PXDNL: variants seen among roughly 807,000 people sequenced by gnomAD.
PXDNL encodes peroxidasin like, also known as probable oxidoreductase PXDNL.
PXDNL carries 145 observed loss-of-function variants against 150.8 expected under a neutral mutation model. The observed-to-expected ratio is 0.96, with a 90% CI of 0.84 to 1.10. The LOEUF (loss-of-function observed/expected upper bound fraction) is 1.10. Among genes scored for constraint, PXDNL ranks in the 50% least tolerant of loss-of-function variants. The pLI is 0.00. For synonymous variants in PXDNL, 757 were observed against 725.7 expected, an observed-to-expected ratio of 1.04 and a Z score of -0.69; for missense variants, 2,087 against 1,873.9, an observed-to-expected ratio of 1.11 and a Z score of -2.10.
intron 1 of PXDNL, among the ~76,000 whole-genome samples, chr8:51,760,704 T>G (rs2037152319): frequency 1.3e-5 from 2 of 152,170 alleles, no homozygotes; most frequent in Non-Finnish European, 2.9e-5. Context: ...ATAGTCATAA[T>G]CATGCGTGCA....
chr8:51,392,871 A>T (rs528988228), intron 17 of PXDNL, among the ~76,000 whole-genome samples: 2 of 152,304 alleles, frequency 1.3e-5, no homozygotes, highest in Admixed American at 6.5e-5. Context: ...GTTAGGAGAA[A>T]TTGATTGGCA....
rs191826410 is a variant in PXDNL at position 51,532,940 on chromosome 8, G to A, written c.380+23900C>T. 3.4e-4 allele frequency among the ~76,000 whole-genome samples: 52 copies of A among 152,092 alleles called. No individual in the cohort carries two copies. In the East Asian group the frequency reaches 9.1e-3, roughly 27 times the overall value. ...GCTTTTTTGATTAAGCCACAACTCTGGCTTAATGTGAAATTGAATGCAATT... is the reference window on the plus strand; with the variant it reads ...GCTTTTTTGATTAAGCCACAACTCTAGCTTAATGTGAAATTGAATGCAATT... On this transcript the variant is annotated intron_variant, in intron 4 of 22. Coordinates refer to ENST00000356297, the MANE Select transcript of PXDNL (RefSeq NM_144651.5).
rs907599011 is a variant in PXDNL at position 51,449,456 on chromosome 8, T to C, written c.1250-338A>G. Among the ~76,000 whole-genome samples the C allele has an allele frequency of 1.2e-4, 19 of 152,346 alleles. 1 individual carries two copies. The highest frequency in any genetic ancestry group is 2.2e-4 in the African/African-American group (9 of 41,580). On this transcript the variant is annotated intron_variant, in intron 10 of 22. Transcript: ENST00000356297. ...ATATTTAAAGCTACAAATTGTACTT[T>C]AAACTATTAACAAAACCGTCTTCTC...
intron 19 of PXDNL, among the ~76,000 whole-genome samples, chr8:51,358,727 G>A (rs893815862): frequency 7.2e-5 from 11 of 152,228 alleles, no homozygotes; most frequent in African/African-American, 2.6e-4. Context: ...CTGAAGATGA[G>A]CACCCCAAAG....
intron 1 of PXDNL, among the ~76,000 whole-genome samples, chr8:51,693,032 G>T (rs1816033445): frequency 6.6e-6 from 1 of 152,176 alleles, no homozygotes; most frequent in Non-Finnish European, 1.5e-5. Context: ...TTTTCAGGCA[G>T]ATCCTCCAGA....
chr8:51,770,765 G>A (rs143914267), intron 1 of PXDNL, among the ~76,000 whole-genome samples: 1 of 152,210 alleles, frequency 6.6e-6, no homozygotes, highest in African/African-American at 2.4e-5. Flanking sequence ...ACATGTTAAA[G>A]TTGGGAGAAA....
intron 1 of PXDNL, among the ~76,000 whole-genome samples, chr8:51,665,279 C>T (rs1445616979): frequency 6.6e-6 from 1 of 152,160 alleles, no homozygotes; most frequent in African/African-American, 2.4e-5. Flanking sequence ...TCCCTGGACA[C>T]CCCTGAGCCT....
At chr8:51,723,719 C>T (rs1816772755) in intron 1 of PXDNL, among the ~76,000 whole-genome samples, 1 of 152,200 alleles carries the variant, frequency 6.6e-6, no homozygotes, top group African/African-American at 2.4e-5. Context: ...AGCAGGTCGA[C>T]AAAGTTCCTC....
chr8:51,486,772 ATATATATATATATATATATATATTTTTT>A (rs1810754166), intron 5 of PXDNL, among the ~76,000 whole-genome samples: 1 of 7,996 alleles, frequency 1.3e-4, no homozygotes, highest in African/African-American at 2.6e-4. Flanking sequence ...ATATATATAT[ATATATATATATATATATATATATTTTTT>A]TTTTTTTTTT....
chr8:51,405,284 G>A (rs867636604), intron 17 of PXDNL, among the ~76,000 whole-genome samples: 12 of 152,190 alleles, frequency 7.9e-5, no homozygotes, highest in African/African-American at 2.2e-4. Flanking sequence ...TACCGAGGCC[G>A]AGGAGGTGCC....
At chr8:51,703,696 CTT>C (rs1163234666) in intron 1 of PXDNL, among the ~76,000 whole-genome samples, 1 of 152,154 alleles carries the variant, frequency 6.6e-6, no homozygotes, top group African/African-American at 2.4e-5. Flanking sequence ...CGAGTAACTT[CTT>C]GTGTCCACTC....
chr8:51,576,562 T>C (rs899095623), intron 3 of PXDNL, among the ~76,000 whole-genome samples: 2 of 151,792 alleles, frequency 1.3e-5, no homozygotes, highest in African/African-American at 4.8e-5. Flanking sequence ...GCTTACATTA[T>C]AAAAGAGCAA....
intron 16 of PXDNL, 88 bp downstream of exon 16, chr8:51,411,162 G>C: frequency 9.3e-7 from 1 of 1,076,328 alleles, no homozygotes. Flanking sequence ...TGATATTCTG[G>C]AGATTAAAAG....
chr8:51,383,734 A>C (rs1361066726), intron 17 of PXDNL, among the ~76,000 whole-genome samples: 1 of 152,218 alleles, frequency 6.6e-6, no homozygotes, highest in African/African-American at 2.4e-5. Flanking sequence ...GTATTTTGAT[A>C]TACAGAGAGT....
At chr8:51,577,330 G>A (rs994408561) in intron 3 of PXDNL, among the ~76,000 whole-genome samples, 3 of 151,380 alleles carry the variant, frequency 2.0e-5, no homozygotes, top group Non-Finnish European at 4.4e-5. Context: ...GAATACAAAA[G>A]TAGTTCAATA....
At chr8:51,716,446 G>A (rs1054968425) in intron 1 of PXDNL, among the ~76,000 whole-genome samples, 14 of 152,338 alleles carry the variant, frequency 9.2e-5, no homozygotes, top group Middle Eastern at 3.4e-3. Flanking sequence ...GCTAGTTGAA[G>A]TGAGGTGCAG....
chr8:51,770,116 G>C (rs2129241700), intron 1 of PXDNL, among the ~76,000 whole-genome samples: 1 of 152,244 alleles, frequency 6.6e-6, no homozygotes. Flanking sequence ...AGACCACCTT[G>C]CTCCTCTATC....
intron 17 of PXDNL, among the ~76,000 whole-genome samples, chr8:51,397,178 T>C (rs747104080): frequency 6.6e-6 from 1 of 152,258 alleles, no homozygotes; most frequent in Admixed American, 6.5e-5. Context: ...CTTGTACTTA[T>C]GAAATAAAAT....
chr8:51,405,560 G>A (rs991248758), intron 17 of PXDNL, among the ~76,000 whole-genome samples: 6 of 152,168 alleles, frequency 3.9e-5, no homozygotes, highest in Non-Finnish European at 8.8e-5. Flanking sequence ...AGGAAAAGAA[G>A]TAATAAGATA....
Sources: gnomAD v4.1 joint callset for allele counts (sites outside exome capture counted in the v4.1 genomes callset) on GRCh38, gnomAD v4.1.1 for gene constraint, MANE v1.5 for transcripts, NCBI Gene and HGNC (gene_info 2026-07-23, HGNC 2026-07-21) for gene names.